The following ATP2A2 variants were observed in gnomAD, a reference collection of about 807,000 sequenced individuals.
ATP2A2 encodes ATPase sarcoplasmic/endoplasmic reticulum Ca2+ transporting 2.
In ATP2A2, 14 loss-of-function variants were observed where a neutral mutation model predicts 109.3. The ratio of observed to expected loss-of-function variants is 0.13; its 90% CI spans 0.08 to 0.20. The LOEUF (loss-of-function observed/expected upper bound fraction) is 0.20, where lower values mean the gene tolerates loss of function less well. ATP2A2 is among the 10% of genes least tolerant of loss of function. The probability of loss-of-function intolerance (pLI) is 1.00; values close to 1 mark genes in which losing one functional copy is unlikely to be tolerated. For synonymous variants in ATP2A2, 506 were observed against 490.9 expected (o/e 1.03, Z -0.41); for missense variants, 657 against 1,321.6 (o/e 0.50, Z 7.80).
In ATP2A2 at chr12:110,348,255, C is replaced by A. The variant is rs1445850699; in HGVS notation, c.*1785C>A. ...TAGGTTCGTCTTAAATAGGCCACTT[C>A]CCCACTCCCCCACCCCCCCTTGCTT... On this transcript the variant is annotated 3_prime_UTR_variant, in exon 20 of 20. Coordinates refer to ENST00000539276, the MANE Select transcript of ATP2A2 (RefSeq NM_170665.4). The A allele has an allele frequency of 1.0e-6, 1 of 985,098 alleles. No homozygotes were observed. The highest frequency in any genetic ancestry group is 1.7e-5 in the African/African-American group (1 of 57,176). 61.0% of individuals were successfully genotyped at this position (985,098 alleles called of 1,614,324 possible). A position where few individuals can be genotyped will look rare whatever the true frequency, so the allele number is the denominator to read the frequency against.
In ATP2A2 at chr12:110,348,638, C is replaced by T. The variant is rs929878504; in HGVS notation, c.*2168C>T. On this transcript the variant is annotated 3_prime_UTR_variant, in exon 20 of 20. Coordinates refer to ENST00000539276, the MANE Select transcript of ATP2A2 (RefSeq NM_170665.4). ...GTAAGTCTCAGCCCTTTGGAGGCCA[C>T]AGCAGAAGGATTGCTTGAGCCCAGG... The T allele has an allele frequency of 1.4e-5, 14 of 985,228 alleles. No homozygotes were observed. In the African/African-American group the frequency reaches 1.7e-4, roughly 12 times the overall value. The allele number at this position is 985,228 out of a possible 1,614,324, so 61.0% of individuals were successfully genotyped here. A position where few individuals can be genotyped will look rare whatever the true frequency, so the allele number is the denominator to read the frequency against.
At chr12:110,337,754 G>A (rs919659313) in intron 11 of ATP2A2, among the ~76,000 whole-genome samples, 1 of 152,204 alleles carries the variant, frequency 6.6e-6, no homozygotes, top group Non-Finnish European at 1.5e-5. Context: ...CACCTCAGTA[G>A]GTGCATATGA....
Position 110,336,829 on chromosome 12 carries a change from A to G in ATP2A2, c.1420-2452A>G, listed in dbSNP as rs183259188. Among the ~76,000 whole-genome samples, 8 of 152,296 alleles carry G rather than the reference A, an allele frequency of 5.3e-5. 1 individual carries two copies. In the East Asian group the frequency reaches 9.7e-4, roughly 18 times the overall value. On this transcript the variant is annotated intron_variant, in intron 11 of 19. Transcript: ENST00000539276. The stretch of plus-strand genomic sequence containing the variant: ...TCTTCCCTCTACCCATGTGTCTTCC[A>G]TGAACCCGAAGCAGTCCAGGCTTAT...
chr12:110,291,976 T>G, intron 3 of ATP2A2, 44 bp from the exon 4 acceptor site: 1 of 1,553,210 alleles, frequency 6.4e-7, no homozygotes. Context: ...AAAAGTGACA[T>G]TAAGCCTAAA....
chr12:110,287,746 C>G (rs1289949954), intron 3 of ATP2A2, among the ~76,000 whole-genome samples: 1 of 151,954 alleles, frequency 6.6e-6, no homozygotes, highest in Non-Finnish European at 1.5e-5. Flanking sequence ...TCCCGAGTAG[C>G]TGGGATTACA....
intron 8 of ATP2A2, chr12:110,330,567 A>C (rs754652780): frequency 6.6e-6 from 1 of 152,254 alleles, no homozygotes; most frequent in Non-Finnish European, 1.5e-5. Context: ...TATGTCTGTG[A>C]AAGTAAGCCA....
In ATP2A2 at chr12:110,348,153, G is replaced by A; in HGVS notation, c.*1683G>A. On this transcript the variant is annotated 3_prime_UTR_variant, in exon 20 of 20. Coordinates refer to ENST00000539276, the MANE Select transcript of ATP2A2 (RefSeq NM_170665.4). ...TTCGCAGCTGCCAGGAGTCATCCCAGAACATTGCTACTTATTTATTAAAAA... is the reference window on the plus strand; with the variant it reads ...TTCGCAGCTGCCAGGAGTCATCCCAAAACATTGCTACTTATTTATTAAAAA... 1 of 985,482 alleles carries A rather than the reference G, an allele frequency of 1.0e-6. No homozygotes were observed. The highest frequency in any genetic ancestry group is 1.2e-6 in the Non-Finnish European group (1 of 829,970). 61.0% of individuals were successfully genotyped at this position (985,482 alleles called of 1,614,324 possible).
rs550192219 is a variant in ATP2A2 at position 110,313,287 on chromosome 12, A to G, written c.464-9705A>G. Among the ~76,000 whole-genome samples, 9 of 144,506 alleles carry G rather than the reference A, an allele frequency of 6.2e-5. No homozygotes were observed. In the South Asian group the frequency reaches 1.3e-3, roughly 21 times the overall value. 94.8% of individuals were successfully genotyped at this position (144,506 alleles called of 152,430 possible). A position where few individuals can be genotyped will look rare whatever the true frequency, so the allele number is the denominator to read the frequency against. ...GATTTTGGAAAAAGGAGAAGAAACC[A>G]TGTGGTTTGGGAACCACCTTTCCTT... On this transcript the variant is annotated intron_variant, in intron 5 of 19. Transcript: ENST00000539276.
chr12:110,321,461 G>A (rs1403454134), intron 5 of ATP2A2, among the ~76,000 whole-genome samples: 1 of 152,138 alleles, frequency 6.6e-6, no homozygotes, highest in Admixed American at 6.6e-5. Flanking sequence ...ATCACGGACA[G>A]CTGTTTTGTT....
Position 110,339,327 on chromosome 12 carries a change from G to C in ATP2A2, c.1466G>C (p.Arg489Pro). 6.2e-7 allele frequency: 1 copy of C among 1,614,068 alleles called. No individual in the cohort carries two copies. The highest frequency in any genetic ancestry group is 8.5e-7 in the Non-Finnish European group (1 of 1,180,008). The change falls in exon 12 of 20, where the codon CGT becomes CCT. Residue 489 changes from arginine to proline, a missense_variant. This residue lies in a region of ATP2A2 where 180 missense variants were observed against 329.1 expected (regional missense o/e 0.55). Transcript: ENST00000539276. The surrounding 1 kb of genome is among the most constrained non-coding windows in gnomAD (Gnocchi z 4.4). ...MKKEFTLEFSRDRKSMSVYCT... is the reference protein window; with the variant it reads ...MKKEFTLEFSPDRKSMSVYCT... The stretch of plus-strand genomic sequence containing the variant: ...AAGGAATTCACTCTAGAGTTTTCAC[G>C]TGACAGAAAGTCAATGTCGGTTTAC...
rs1880297260 is a variant in ATP2A2 at position 110,350,447 on chromosome 12, A to AT, written c.*3978dup. The AT allele has an allele frequency of 3.0e-6, 4 of 1,349,024 alleles. No homozygotes were observed. The Admixed American group carries it at 5.4e-5, about 18-fold the overall frequency. 83.6% of individuals were successfully genotyped at this position (1,349,024 alleles called of 1,614,324 possible). The stretch of plus-strand genomic sequence containing the variant: ...AAAACTTCCCAACTCACTTTGTGTT[A>AT]TGTGGAGGAAATGTGTATTACCAAT... On this transcript the variant is annotated 3_prime_UTR_variant, in exon 20 of 20. Transcript: ENST00000539276.
At position 110,302,013 on chromosome 12, in the gene ATP2A2, A is replaced by G. The variant is rs566722929; in HGVS notation, c.463+5276A>G. 1.5e-3 allele frequency among the ~76,000 whole-genome samples: 222 copies of G among 152,280 alleles called. 10 individuals are homozygous for G. In the South Asian group the frequency reaches 0.043, roughly 29 times the overall value. On this transcript the variant is annotated intron_variant, in intron 5 of 19. Coordinates refer to ENST00000539276, the MANE Select transcript of ATP2A2 (RefSeq NM_170665.4). ...GAAATTTCATTTTCTATATTGTAATATAGTTTTGTTGTTGCATTTGATAGT... is the reference window on the plus strand; with the variant it reads ...GAAATTTCATTTTCTATATTGTAATGTAGTTTTGTTGTTGCATTTGATAGT...
rs1412097334 is a variant in ATP2A2 at position 110,346,692 on chromosome 12, A to G, written c.*222A>G. Reference sequence around the variant, plus strand: ...CCATTGACATGTACAGAGAACTAACACTATTTTATGCAAATATTTTTTTGT... The same window carrying G: ...CCATTGACATGTACAGAGAACTAACGCTATTTTATGCAAATATTTTTTTGT... On this transcript the variant is annotated 3_prime_UTR_variant, in exon 20 of 20. Transcript: ENST00000539276. The G allele has an allele frequency of 5.7e-6, 8 of 1,410,242 alleles. No homozygotes were observed. The highest frequency in any genetic ancestry group is 1.4e-5 in the African/African-American group (1 of 69,236). The allele number at this position is 1,410,242 out of a possible 1,614,324, so 87.4% of individuals were successfully genotyped here.
Position 110,342,763 on chromosome 12 carries a change from TTTTA to T in ATP2A2, c.2318+323_2318+326del, listed in dbSNP as rs1879477565. Among the ~76,000 whole-genome samples the T allele has an allele frequency of 6.6e-6, 1 of 152,256 alleles. No individual in the cohort carries two copies. Among genetic ancestry groups the T allele is most frequent in the East Asian group, 1.9e-4 (1 of 5,184 alleles). ...TCAGTCAGCTTAATAATTTTTTTATTTTTATTTATTTTTTTGAGACAGTCTCGCT... is the reference window on the plus strand; with the variant it reads ...TCAGTCAGCTTAATAATTTTTTTATTTTTATTTTTTTGAGACAGTCTCGCT... On this transcript the variant is annotated intron_variant, in intron 15 of 19. Transcript: ENST00000539276. The surrounding 1 kb of genome is among the most constrained non-coding windows in gnomAD (Gnocchi z 4.6).
intron 5 of ATP2A2, among the ~76,000 whole-genome samples, chr12:110,309,145 T>TTTTTTTTG (rs1875713701): frequency 1.2e-5 from 1 of 83,366 alleles, no homozygotes; most frequent in Non-Finnish European, 2.4e-5. Context: ...AACTAATTTT[T>TTTTTTTTG]TTTTTTTTTT....
Position 110,281,644 on chromosome 12 carries a change from G to C in ATP2A2, c.-146G>C. 1 of 457,886 alleles carries C rather than the reference G, an allele frequency of 2.2e-6. No individual in the cohort carries two copies. The highest frequency in any genetic ancestry group is 4.0e-5 in the East Asian group (1 of 24,866). 28.4% of individuals were successfully genotyped at this position (457,886 alleles called of 1,614,324 possible). A position where few individuals can be genotyped will look rare whatever the true frequency, so the allele number is the denominator to read the frequency against. ...GGGGCGCGGGGTGATTCAGCGCCCG[G>C]CGAGGCGGAAGCGGCCGCAAGAGGA... On this transcript the variant is annotated 5_prime_UTR_variant, in exon 1 of 20. Transcript: ENST00000539276.
At chr12:110,303,612 G>T (rs967715345) in intron 5 of ATP2A2, among the ~76,000 whole-genome samples, 3 of 151,922 alleles carry the variant, frequency 2.0e-5, no homozygotes, top group Non-Finnish European at 2.9e-5. Context: ...GGGTTTCACC[G>T]TGTTGGCCAG....
In ATP2A2 at chr12:110,347,046, C is replaced by CCCT; in HGVS notation, c.*576_*577insCCT. 1 of 1,085,042 alleles carries CCCT rather than the reference C, an allele frequency of 9.2e-7. No homozygotes were observed. Among genetic ancestry groups the CCCT allele is most frequent in the Non-Finnish European group, 1.1e-6 (1 of 890,908 alleles). The allele number at this position is 1,085,042 out of a possible 1,614,324, so 67.2% of individuals were successfully genotyped here. A position where few individuals can be genotyped will look rare whatever the true frequency, so the allele number is the denominator to read the frequency against. The stretch of plus-strand genomic sequence containing the variant: ...CCCACCCCACCCCACCTCTCCCCAC[C>CCCT]TTACCCCCGCCCCGCTTGGCTTCTT... On this transcript the variant is annotated 3_prime_UTR_variant, in exon 20 of 20. Coordinates refer to ENST00000539276, the MANE Select transcript of ATP2A2 (RefSeq NM_170665.4).
rs770885424 is a variant in ATP2A2 at position 110,346,436 on chromosome 12, C to A, written c.3095C>A (p.Thr1032Lys). 1.9e-6 allele frequency: 3 copies of A among 1,614,214 alleles called. No individual in the cohort carries two copies. In the South Asian group the frequency reaches 3.3e-5, roughly 18 times the overall value. Reference sequence around the variant, plus strand: ...CCCCTGGTGATCTGGGTCTATAGCACAGACACTAACTTTAGCGATATGTTC... The same window carrying A: ...CCCCTGGTGATCTGGGTCTATAGCAAAGACACTAACTTTAGCGATATGTTC... ...IMPLVIWVYS[T>K]DTNFSDMFWS Residue 1032 changes from threonine (T) to lysine (K), a missense_variant, in exon 20 of 20, where the codon ACA becomes AAA. Transcript: ENST00000539276.
Sources: allele counts gnomAD v4.1 joint callset (sites outside exome capture counted in the v4.1 genomes callset), GRCh38; gene constraint gnomAD v4.1.1; regional missense constraint gnomAD v4.1.1; non-coding constraint Gnocchi (gnomAD v3.1); transcripts MANE v1.5; gene names NCBI Gene and HGNC (gene_info 2026-07-23, HGNC 2026-07-21).